PTCHD4: variants seen among roughly 807,000 people sequenced by gnomAD.
PTCHD4 encodes the protein patched domain-containing protein 4.
A neutral mutation model predicts 58.1 loss-of-function variants in PTCHD4; 33 were observed. The observed-to-expected ratio is 0.57, with a 90% confidence interval of 0.43 to 0.76. PTCHD4 has a LOEUF of 0.76. Among genes scored for constraint, PTCHD4 ranks in the 30% least tolerant of loss-of-function variants. The probability of loss-of-function intolerance (pLI) is 0.00; values close to 1 mark genes in which losing one functional copy is unlikely to be tolerated. For missense variants in PTCHD4, 1,058 were observed against 1,027.1 expected, an observed-to-expected ratio of 1.03 and a Z score of -0.41; for synonymous variants, 478 against 409.6, an observed-to-expected ratio of 1.17 and a Z score of -2.02.
chr6:48,009,866 C>A (rs1443622983), intron 3 of PTCHD4, among the ~76,000 whole-genome samples: 1 of 152,084 alleles, frequency 6.6e-6, no homozygotes, highest in Admixed American at 6.6e-5. Flanking sequence ...TGCCAAAAGT[C>A]AATTCATTTT....
At chr6:48,010,174 T>C (rs1762614618) in intron 3 of PTCHD4, among the ~76,000 whole-genome samples, 1 of 152,222 alleles carries the variant, frequency 6.6e-6, no homozygotes, top group Admixed American at 6.5e-5. Context: ...GTGTTGAAAG[T>C]ATGCTCAAGT....
intron 3 of PTCHD4, among the ~76,000 whole-genome samples, chr6:48,051,388 G>A (rs1016796806): frequency 6.6e-6 from 1 of 151,820 alleles, no homozygotes; most frequent in Non-Finnish European, 1.5e-5. Flanking sequence ...TGGATGCTTC[G>A]GGATTTATAA....
At chr6:48,044,639 T>A (rs1763969382) in intron 3 of PTCHD4, among the ~76,000 whole-genome samples, 2 of 151,886 alleles carry the variant, frequency 1.3e-5, no homozygotes, top group African/African-American at 2.4e-5. Flanking sequence ...CACACAGCCA[T>A]GCTCATTTGC....
At chr6:47,956,564 G>A (rs540265403) in intron 4 of PTCHD4, among the ~76,000 whole-genome samples, 1 of 152,028 alleles carries the variant, frequency 6.6e-6, no homozygotes, top group Admixed American at 6.5e-5. Flanking sequence ...CTCCCAAGTA[G>A]CTGGGACTAC....
In PTCHD4 at chr6:47,861,466, C is replaced by T. The variant is rs1763423580; in HGVS notation, c.*16837G>A. On this transcript the variant is annotated 3_prime_UTR_variant, in exon 5 of 5. Transcript: ENST00000339488. Reference sequence around the variant, plus strand: ...AATTTCAAACAAAAAGATGTATACCCTCAAGGCTGTATCTGCTGTGTTTAA... The same window carrying T: ...AATTTCAAACAAAAAGATGTATACCTTCAAGGCTGTATCTGCTGTGTTTAA... 6.6e-6 allele frequency among the ~76,000 whole-genome samples: 1 copy of T among 151,856 alleles called. No individual in the cohort carries two copies. The highest frequency in any genetic ancestry group is 6.6e-5 in the Admixed American group (1 of 15,204).
At chr6:47,883,553 T>C (rs748545625) in intron 4 of PTCHD4, among the ~76,000 whole-genome samples, 1 of 152,246 alleles carries the variant, frequency 6.6e-6, no homozygotes, top group Non-Finnish European at 1.5e-5. Flanking sequence ...TTTTAGACTT[T>C]AAAATAACTT....
At chr6:48,029,862 G>A (rs1481497469) in intron 3 of PTCHD4, among the ~76,000 whole-genome samples, 1 of 152,122 alleles carries the variant, frequency 6.6e-6, no homozygotes. Flanking sequence ...TTGACTTTAT[G>A]AAGCTAAAGC....
intron 1 of PTCHD4, among the ~76,000 whole-genome samples, chr6:48,081,591 TAA>T (rs1439236116): frequency 6.6e-6 from 1 of 152,164 alleles, no homozygotes; most frequent in Non-Finnish European, 1.5e-5. Flanking sequence ...GCATATTATA[TAA>T]AGTTATAAAA....
chr6:47,960,713 T>A (rs1211035371), intron 4 of PTCHD4, among the ~76,000 whole-genome samples: 4 of 152,020 alleles, frequency 2.6e-5, no homozygotes, highest in Non-Finnish European at 5.9e-5. Flanking sequence ...AGGACTAGTA[T>A]TTAGAATTAC....
At position 47,876,637 on chromosome 6, in the gene PTCHD4, T is replaced by G. The variant is rs919371539; in HGVS notation, c.*1666A>C. Among the ~76,000 whole-genome samples the G allele has an allele frequency of 4.6e-5, 7 of 151,994 alleles. No homozygotes were observed. Among genetic ancestry groups the G allele is most frequent in the African/African-American group, 1.7e-4 (7 of 41,428 alleles). ...TTTGATTAAAACATAGAACCAAAGT[T>G]GATGGGAAGTAGTAGCTTTCTTCTA... On this transcript the variant is annotated 3_prime_UTR_variant, in exon 5 of 5. Transcript: ENST00000339488.
At chr6:48,023,261 T>C (rs1297030165) in intron 3 of PTCHD4, among the ~76,000 whole-genome samples, 6 of 152,182 alleles carry the variant, frequency 3.9e-5, no homozygotes, top group Non-Finnish European at 7.4e-5. Flanking sequence ...CCCATTTTTG[T>C]TTTGAAAATA....
intron 3 of PTCHD4, among the ~76,000 whole-genome samples, chr6:48,066,178 C>T (rs1764789938): frequency 6.6e-6 from 1 of 151,778 alleles, no homozygotes; most frequent in African/African-American, 2.4e-5. Context: ...GAGAACTTTG[C>T]TTTTCTTGCC....
At chr6:47,912,721 C>G (rs568937998) in intron 4 of PTCHD4, among the ~76,000 whole-genome samples, 70 of 151,650 alleles carry the variant, frequency 4.6e-4, no homozygotes, top group African/African-American at 1.6e-3. Context: ...TAAAATAAAC[C>G]CTTCATCTTG....
intron 4 of PTCHD4, among the ~76,000 whole-genome samples, chr6:47,887,682 G>A (rs933546506): frequency 6.6e-6 from 1 of 152,218 alleles, no homozygotes; most frequent in African/African-American, 2.4e-5. Flanking sequence ...CCTTTTGCCT[G>A]AGAGATGATG....
At chr6:47,925,985 A>G (rs1765600379) in intron 4 of PTCHD4, among the ~76,000 whole-genome samples, 2 of 152,158 alleles carry the variant, frequency 1.3e-5, no homozygotes, top group Admixed American at 1.3e-4. Flanking sequence ...GACTCTCGCA[A>G]ATGAGACTCT....
intron 4 of PTCHD4, among the ~76,000 whole-genome samples, chr6:47,906,741 C>A (rs148292943): frequency 2.0e-5 from 3 of 152,228 alleles, no homozygotes; most frequent in Admixed American, 6.5e-5. Flanking sequence ...GAAATCTCTG[C>A]GGTGACATTT....
At chr6:47,930,952 C>G (rs1387370813) in intron 4 of PTCHD4, among the ~76,000 whole-genome samples, 2 of 152,162 alleles carry the variant, frequency 1.3e-5, no homozygotes, top group Non-Finnish European at 2.9e-5. Context: ...TGCCACCACA[C>G]CTGGCTAATT....
intron 4 of PTCHD4, among the ~76,000 whole-genome samples, chr6:47,947,561 A>G (rs764694205): frequency 8.6e-5 from 13 of 151,656 alleles, no homozygotes; most frequent in Non-Finnish European, 1.9e-4. Context: ...TTTTTTCTGG[A>G]TATAGAATTC....
In PTCHD4 at chr6:48,008,622, A is replaced by C; in HGVS notation, c.898+12T>G. 6.2e-7 allele frequency: 1 copy of C among 1,611,290 alleles called. No individual in the cohort carries two copies. Among genetic ancestry groups the C allele is most frequent in the Non-Finnish European group, 8.5e-7 (1 of 1,178,530 alleles). ...CGGTAAGAATCCGATTACCACAAGG[A>C]TGGATAGTTACCCATGGCGAAGAAC... On this transcript the variant is annotated intron_variant, in intron 4 of 4. Transcript: ENST00000339488.
Sources: allele counts gnomAD v4.1 joint callset (sites outside exome capture counted in the v4.1 genomes callset), GRCh38; gene constraint gnomAD v4.1.1; transcripts MANE v1.5; gene names NCBI Gene and HGNC (gene_info 2026-07-23, HGNC 2026-07-21).